LRRC66: variants seen among roughly 807,000 people sequenced by gnomAD.
LRRC66 encodes leucine-rich repeat-containing protein 66.
Under a neutral mutation model 24.6 loss-of-function variants are expected in LRRC66, and 29 were observed. The observed-to-expected ratio is 1.18, with a 90% confidence interval of 0.88 to 1.61. The LOEUF (loss-of-function observed/expected upper bound fraction) is 1.61, where lower values mean the gene tolerates loss of function less well. Ranked by LOEUF, LRRC66 falls within the 40% of genes most tolerant of loss-of-function variation. The pLI, the probability that LRRC66 is intolerant of heterozygous loss-of-function variation, is 0.00. For missense variants in LRRC66, 1,124 were observed against 1,058.0 expected, an observed-to-expected ratio of 1.06 and a Z score of -0.87; for synonymous variants, 411 against 397.6, an observed-to-expected ratio of 1.03 and a Z score of -0.40.
chr4:52,011,268 G>C (rs1736693764), intron 2 of LRRC66, among the ~76,000 whole-genome samples: 1 of 152,192 alleles, frequency 6.6e-6, no homozygotes, highest in South Asian at 2.1e-4. Flanking sequence ...TAAGATATTT[G>C]ATTCATTAGG....
intron 3 of LRRC66, among the ~76,000 whole-genome samples, chr4:51,998,570 A>G (rs1352119629): frequency 6.6e-6 from 1 of 152,198 alleles, no homozygotes; most frequent in Non-Finnish European, 1.5e-5. Context: ...TGAATCAAAT[A>G]TTATCTCAAG....
chr4:51,997,697 T>C, intron 4 of LRRC66, 51 bp downstream of exon 4: 1 of 1,499,214 alleles, frequency 6.7e-7, no homozygotes, highest in Non-Finnish European at 9.2e-7. Flanking sequence ...AATGTCTATG[T>C]GCATTTTTCA....
chr4:52,008,906 G>T (rs376864384), intron 2 of LRRC66, among the ~76,000 whole-genome samples: 7 of 152,190 alleles, frequency 4.6e-5, no homozygotes, highest in Admixed American at 3.9e-4. Context: ...GTGAAGCAAA[G>T]ATAGTAAAAA....
At chr4:52,008,330 A>G (rs939478158) in intron 2 of LRRC66, among the ~76,000 whole-genome samples, 5 of 152,160 alleles carry the variant, frequency 3.3e-5, no homozygotes, top group Admixed American at 2.6e-4. Flanking sequence ...TCCACACAAC[A>G]AAGTAAATTC....
chr4:52,000,148 AGAG>A (rs1736415264), intron 3 of LRRC66, among the ~76,000 whole-genome samples: 1 of 152,220 alleles, frequency 6.6e-6, no homozygotes, highest in Non-Finnish European at 1.5e-5. Flanking sequence ...AAGGGATATT[AGAG>A]GAGAAGAAAT....
chr4:52,019,036 CT>C (rs1736884531), intron 1 of LRRC66, among the ~76,000 whole-genome samples: 1 of 152,168 alleles, frequency 6.6e-6, no homozygotes, highest in African/African-American at 2.4e-5. Context: ...GCCACTACAA[CT>C]CACTAATTTG....
At chr4:52,005,148 G>A (rs1165747726) in intron 2 of LRRC66, among the ~76,000 whole-genome samples, 1 of 152,178 alleles carries the variant, frequency 6.6e-6, no homozygotes, top group East Asian at 1.9e-4. Flanking sequence ...GGCCTGCATA[G>A]TGATTTAAAA....
chr4:51,997,137 A>G (rs1270411127), intron 4 of LRRC66, among the ~76,000 whole-genome samples: 1 of 152,150 alleles, frequency 6.6e-6, no homozygotes, highest in Non-Finnish European at 1.5e-5. Flanking sequence ...GATTTAGCCA[A>G]GGTAGTTAAG....
Position 51,995,399 on chromosome 4 carries a change from A to G in LRRC66, c.1623T>C (p.Thr541=). 1 of 1,614,190 alleles carries G rather than the reference A, an allele frequency of 6.2e-7. No homozygotes were observed. The highest frequency in any genetic ancestry group is 8.5e-7 in the Non-Finnish European group (1 of 1,180,040). The change falls in exon 5 of 5, where the codon ACT becomes ACC. Residue 541 remains threonine, a synonymous_variant. Coordinates refer to ENST00000682860, the MANE Select transcript of LRRC66 (RefSeq NM_001024611.3). ...NDILGEWTYE[T]VAQEEPLSAH... ...CACTGAGAGGCTCTTCCTGGGCCAC[A>G]GTTTCATAAGTCCATTCTCCGAGAA...
At chr4:52,006,501 T>C (rs1033221668) in intron 2 of LRRC66, among the ~76,000 whole-genome samples, 4 of 132,752 alleles carry the variant, frequency 3.0e-5, no homozygotes, top group African/African-American at 1.2e-4. Context: ...AACTGAACAA[T>C]GAGAACACAT....
At chr4:52,002,533 A>G (rs962283615) in intron 3 of LRRC66, among the ~76,000 whole-genome samples, 1 of 152,188 alleles carries the variant, frequency 6.6e-6, no homozygotes, top group Non-Finnish European at 1.5e-5. Flanking sequence ...GACCTGGAAC[A>G]GGGCTTCAGG....
At chr4:52,006,345 T>A (rs913823101) in intron 2 of LRRC66, among the ~76,000 whole-genome samples, 11 of 152,104 alleles carry the variant, frequency 7.2e-5, no homozygotes, top group Admixed American at 4.6e-4. Flanking sequence ...ATGTGGCACA[T>A]ATACACCATG....
intron 2 of LRRC66, among the ~76,000 whole-genome samples, chr4:52,008,618 G>C (rs2110199836): frequency 6.6e-6 from 1 of 152,126 alleles, no homozygotes; most frequent in South Asian, 2.1e-4. Context: ...AAATAATGGA[G>C]CAACATTTAA....
At chr4:52,016,232 A>G (rs547271784) in intron 2 of LRRC66, among the ~76,000 whole-genome samples, 46 of 152,344 alleles carry the variant, frequency 3.0e-4, no homozygotes, top group South Asian at 1.2e-3. Context: ...AGCTGGAGAA[A>G]GAGCATGAAG....
At chr4:52,001,144 A>G (rs1481630158) in intron 3 of LRRC66, among the ~76,000 whole-genome samples, 1 of 152,224 alleles carries the variant, frequency 6.6e-6, no homozygotes, top group African/African-American at 2.4e-5. Context: ...ACAGGCATTA[A>G]CAACTAATCA....
intron 3 of LRRC66, among the ~76,000 whole-genome samples, chr4:51,999,972 C>T (rs949878478): frequency 3.9e-5 from 6 of 152,210 alleles, no homozygotes; most frequent in African/African-American, 7.2e-5. Flanking sequence ...AAAAATCTAT[C>T]TGGCTTCTGA....
rs1479031238 is a variant in LRRC66, at chr4:52,006,332, A to T, written c.497-2940T>A. ...TCCAACAATGATAGATTGGATTAAG[A>T]AAATGTGGCACATATACACCATGGA... On this transcript the variant is annotated intron_variant, in intron 2 of 4. Transcript: ENST00000682860. 2.6e-5 allele frequency among the ~76,000 whole-genome samples: 4 copies of T among 152,170 alleles called. No individual in the cohort carries two copies. The East Asian group carries it at 7.7e-4, about 29-fold the overall frequency.
rs759412722 is a variant in LRRC66, at chr4:51,995,499, A to G, written c.1523T>C (p.Ile508Thr). ...ACCGGCATGTGGATGTCTCTGGAGA[A>G]TGGAATAGACTGCACCATCATTTCC... ...GSGNDGAVYS[I>T]LQRHPHAGNR... is the part of the protein sequence containing the mutation. Residue 508 changes from isoleucine to threonine, a missense_variant, in exon 5 of 5, where the codon ATT becomes ACT. Ile to Thr is a moderately conservative substitution (Grantham distance 89). Transcript: ENST00000682860. The G allele has an allele frequency of 6.2e-7, 1 of 1,614,116 alleles. No homozygotes were observed. Among genetic ancestry groups the G allele is most frequent in the East Asian group, 2.2e-5 (1 of 44,864 alleles).
chr4:52,005,816 T>C (rs1464099343), intron 2 of LRRC66, among the ~76,000 whole-genome samples: 1 of 152,192 alleles, frequency 6.6e-6, no homozygotes, highest in African/African-American at 2.4e-5. Flanking sequence ...CAGCAGCACC[T>C]GGCTCCAGCA....
Sources: gnomAD v4.1 joint callset for allele counts (sites outside exome capture counted in the v4.1 genomes callset) on GRCh38, gnomAD v4.1.1 for gene constraint, MANE v1.5 for transcripts, NCBI Gene and HGNC (gene_info 2026-07-23, HGNC 2026-07-21) for gene names.